Variants in CHD9 observed in about 807,000 individuals in gnomAD.
CHD9 encodes ATP-dependent chromatin remodeler CHD9.
Under a neutral mutation model 316.1 loss-of-function variants are expected in CHD9, and 77 were observed. The ratio of observed to expected loss-of-function variants is 0.24; its 90% CI spans 0.20 to 0.29. The LOEUF is 0.29. Among genes scored for constraint, CHD9 ranks in the 10% least tolerant of loss-of-function variants. The probability of loss-of-function intolerance (pLI) is 1.00; values close to 1 mark genes in which losing one functional copy is unlikely to be tolerated. For missense variants in CHD9, 2,763 were observed against 3,438.1 expected (o/e 0.80, Z 4.91); for synonymous variants, 1,129 against 1,158.3 (o/e 0.97, Z 0.51).
intron 29 of CHD9, among the ~76,000 whole-genome samples, chr16:53,295,326 C>T (rs1022106170): frequency 1.3e-5 from 2 of 152,178 alleles, no homozygotes; most frequent in African/African-American, 4.8e-5. Context: ...TGGGTTTCAC[C>T]ATGTTGGCCA....
chr16:53,150,837 A>T (rs923188313), intron 1 of CHD9, among the ~76,000 whole-genome samples: 3 of 152,164 alleles, frequency 2.0e-5, no homozygotes, highest in Non-Finnish European at 2.9e-5. Flanking sequence ...TGAGAAATCC[A>T]CTTGTATCTT....
intron 17 of CHD9, among the ~76,000 whole-genome samples, chr16:53,252,063 T>A (rs2050171173): frequency 6.6e-6 from 1 of 152,114 alleles, no homozygotes; most frequent in South Asian, 2.1e-4. Context: ...CTAAAATTCA[T>A]ATAGAACCAA....
chr16:53,212,786 T>C (rs1190050243), intron 3 of CHD9, among the ~76,000 whole-genome samples: 1 of 152,182 alleles, frequency 6.6e-6, no homozygotes, highest in Non-Finnish European at 1.5e-5. Flanking sequence ...AGTGTAATCC[T>C]GTACAAAAAG....
intron 1 of CHD9, among the ~76,000 whole-genome samples, chr16:53,087,028 C>T (rs1009612189): frequency 1.3e-5 from 2 of 152,136 alleles, no homozygotes; most frequent in Admixed American, 6.6e-5. Context: ...CTTCTCAAAT[C>T]CATTATTACT....
intron 22 of CHD9, among the ~76,000 whole-genome samples, chr16:53,272,530 G>A (rs58495296): frequency 0.034 from 5,121 of 152,114 alleles, 292 homozygotes; most frequent in African/African-American, 0.12. Flanking sequence ...AAAATTACAA[G>A]CAAAACAGCT....
intron 21 of CHD9, 90 bp from the exon 22 acceptor site, chr16:53,267,837 T>C (rs1465936266): frequency 8.5e-7 from 1 of 1,172,088 alleles, no homozygotes; most frequent in East Asian, 2.4e-5. Context: ...ATGACAATTT[T>C]TTAAAGTTTT....
chr16:53,156,592 A>G lies in CHD9; in HGVS notation c.503A>G (p.Asn168Ser), dbSNP rs755500516. The G allele has an allele frequency of 1.2e-6, 2 of 1,613,900 alleles. No homozygotes were observed. The highest frequency in any genetic ancestry group is 1.7e-5 in the Admixed American group (1 of 60,012). The change falls in exon 2 of 39, where the codon AAT becomes AGT. Residue 168 changes from asparagine (N) to serine (S), a missense_variant. Asn to Ser is a conservative substitution (Grantham distance 46, BLOSUM62 1). Transcript: ENST00000447540. ...AHHDFALFQA[N>S]EQQTQCTSLR... ...CATGACTTTGCCTTATTTCAGGCCA[A>G]TGAACAACAAACACAGTGTACTTCA...
chr16:53,249,850 T>G, intron 16 of CHD9, 21 bp from the exon 17 acceptor site: 1 of 1,571,576 alleles, frequency 6.4e-7, no homozygotes, highest in South Asian at 1.1e-5. Flanking sequence ...TTATGTAAAT[T>G]TATTCCATTT....
intron 4 of CHD9, chr16:53,223,623 A>G (rs1168663318): frequency 6.6e-6 from 1 of 152,352 alleles, no homozygotes; most frequent in African/African-American, 2.4e-5. Context: ...ATTTAGTTTA[A>G]TTTTTGCTGG....
intron 19 of CHD9, among the ~76,000 whole-genome samples, chr16:53,258,563 C>A (rs1040768014): frequency 6.6e-6 from 1 of 152,038 alleles, no homozygotes; most frequent in African/African-American, 2.4e-5. Context: ...CTTTTTCCTG[C>A]GACCCAAAGA....
chr16:53,193,890 G>C (rs1233296204), intron 2 of CHD9, among the ~76,000 whole-genome samples: 1 of 152,030 alleles, frequency 6.6e-6, no homozygotes, highest in East Asian at 1.9e-4. Flanking sequence ...TGTGACCTTG[G>C]CTTGTAAATA....
At chr16:53,147,904 TA>T (rs1004910434) in intron 1 of CHD9, among the ~76,000 whole-genome samples, 2 of 152,146 alleles carry the variant, frequency 1.3e-5, no homozygotes, top group East Asian at 3.9e-4. Flanking sequence ...TTAACTTTTT[TA>T]AATGTTTGCT....
intron 2 of CHD9, among the ~76,000 whole-genome samples, chr16:53,206,693 G>T (rs2045921921): frequency 6.6e-6 from 1 of 152,114 alleles, no homozygotes; most frequent in African/African-American, 2.4e-5. Flanking sequence ...ATAGTGCCTG[G>T]TACATAGTAA....
chr16:53,107,533 T>C (rs1485780628), intron 1 of CHD9, among the ~76,000 whole-genome samples: 1 of 145,998 alleles, frequency 6.8e-6, no homozygotes, highest in Non-Finnish European at 1.5e-5. Flanking sequence ...AATTAAAAAA[T>C]TTAGCCAGGC....
At chr16:53,323,039 A>G (rs2057376101) in intron 38 of CHD9, among the ~76,000 whole-genome samples, 1 of 152,198 alleles carries the variant, frequency 6.6e-6, no homozygotes, top group Non-Finnish European at 1.5e-5. Flanking sequence ...TTAAACCACT[A>G]TCTAGAACTG....
intron 13 of CHD9, among the ~76,000 whole-genome samples, chr16:53,244,910 C>G (rs2049441500): frequency 6.6e-6 from 1 of 151,840 alleles, no homozygotes. Flanking sequence ...GCCTGGAGCC[C>G]GAGACCAGCT....
At chr16:53,323,899 TATC>T (rs1353994621) in intron 38 of CHD9, 118 bp from the exon 39 acceptor site, 2 of 796,896 alleles carry the variant, frequency 2.5e-6, no homozygotes, top group African/African-American at 1.8e-5. Flanking sequence ...GATTATTTAA[TATC>T]AGTACAGAAT....
rs925030733 is a variant in CHD9 at position 53,157,640 on chromosome 16, C to G, written c.1452+99C>G. On this transcript the variant is annotated intron_variant, in intron 2 of 38. Transcript: ENST00000447540. Reference sequence around the variant, plus strand: ...TGAAACATAGTCAAGATTTCTCAAACTTGGTAATTCCATTAAGTGAACATA... The same window carrying G: ...TGAAACATAGTCAAGATTTCTCAAAGTTGGTAATTCCATTAAGTGAACATA... The G allele has an allele frequency of 3.0e-5, 34 of 1,151,036 alleles. No individual in the cohort carries two copies. The South Asian group carries it at 5.0e-4, about 17-fold the overall frequency. The allele number at this position is 1,151,036 out of a possible 1,614,324, so 71.3% of individuals were successfully genotyped here.
chr16:53,123,674 G>T (rs887174221), intron 1 of CHD9, among the ~76,000 whole-genome samples: 1 of 151,864 alleles, frequency 6.6e-6, no homozygotes, highest in African/African-American at 2.4e-5. Flanking sequence ...GCAAATTTTT[G>T]TATTTTTAGT....
Sources: allele counts gnomAD v4.1 joint callset (sites outside exome capture counted in the v4.1 genomes callset), GRCh38; gene constraint gnomAD v4.1.1; transcripts MANE v1.5; gene names NCBI Gene and HGNC (gene_info 2026-07-23, HGNC 2026-07-21).